The following RUNDC3B variants were observed in gnomAD, a reference collection of about 807,000 sequenced individuals.
The protein encoded by RUNDC3B is RUN domain-containing protein 3B.
In RUNDC3B, 33 loss-of-function variants were observed where a neutral mutation model predicts 58.4. That is an observed-to-expected ratio of 0.56 (90% confidence interval 0.43 to 0.75). The LOEUF is 0.75. Ranked by LOEUF, RUNDC3B falls within the 30% of genes least tolerant of loss-of-function variation. RUNDC3B has a pLI of 0.00. For missense variants in RUNDC3B, 501 were observed against 535.7 expected (o/e 0.94, Z 0.64); for synonymous variants, 193 against 195.2 (o/e 0.99, Z 0.10).
chr7:87,735,661 A>C (rs1306560327), intron 4 of RUNDC3B, among the ~76,000 whole-genome samples: 1 of 152,156 alleles, frequency 6.6e-6, no homozygotes, highest in African/African-American at 2.4e-5. Flanking sequence ...TATTATTATT[A>C]ATGTTCTGTG....
chr7:87,789,729 C>T (rs1445451080), intron 8 of RUNDC3B, among the ~76,000 whole-genome samples: 1 of 152,088 alleles, frequency 6.6e-6, no homozygotes, highest in Non-Finnish European at 1.5e-5. Context: ...ATTGCACTTC[C>T]TTGGGTATTA....
intron 3 of RUNDC3B, among the ~76,000 whole-genome samples, chr7:87,702,347 T>C (rs1462622975): frequency 6.6e-6 from 1 of 151,940 alleles, no homozygotes; most frequent in African/African-American, 2.4e-5. Context: ...GGTACTATCA[T>C]AGCCCACTGC....
At chr7:87,671,907 A>G (rs139017011) in intron 2 of RUNDC3B, among the ~76,000 whole-genome samples, 5 of 152,284 alleles carry the variant, frequency 3.3e-5, no homozygotes, top group Admixed American at 3.3e-4. Context: ...TGTTGGCTGG[A>G]AAACACAGGC....
At chr7:87,816,982 T>C (rs1314757745) in intron 10 of RUNDC3B, among the ~76,000 whole-genome samples, 1 of 152,252 alleles carries the variant, frequency 6.6e-6, no homozygotes. Flanking sequence ...TTCACTGGTA[T>C]GATCTGGTTC....
intron 6 of RUNDC3B, among the ~76,000 whole-genome samples, chr7:87,767,345 T>A (rs1834028118): frequency 6.6e-6 from 1 of 152,236 alleles, no homozygotes. Flanking sequence ...TAATTCCTTC[T>A]AATCTGAGGA....
intron 2 of RUNDC3B, among the ~76,000 whole-genome samples, chr7:87,685,059 T>C (rs1827321771): frequency 6.6e-6 from 1 of 152,046 alleles, no homozygotes; most frequent in South Asian, 2.1e-4. Flanking sequence ...ACAACAAAAG[T>C]ACAATCCATT....
chr7:87,773,841 C>T (rs1238358275), intron 7 of RUNDC3B, among the ~76,000 whole-genome samples: 2 of 151,948 alleles, frequency 1.3e-5, no homozygotes, highest in Non-Finnish European at 2.9e-5. Context: ...CCACACCTGG[C>T]CAATTTTTGT....
At chr7:87,664,926 C>CA (rs1825078370) in intron 2 of RUNDC3B, among the ~76,000 whole-genome samples, 1 of 152,012 alleles carries the variant, frequency 6.6e-6, no homozygotes, top group South Asian at 2.1e-4. Flanking sequence ...AAATTCTCAA[C>CA]AATTAAAGTA....
At position 87,768,688 on chromosome 7, in the gene RUNDC3B, A is replaced by G. The variant is rs940381450; in HGVS notation, c.630-1893A>G. Among the ~76,000 whole-genome samples, 24 of 152,072 alleles carry G rather than the reference A, an allele frequency of 1.6e-4. 1 individual carries two copies. The highest frequency in any genetic ancestry group is 4.8e-5 in the African/African-American group (2 of 41,416). On this transcript the variant is annotated intron_variant, in intron 6 of 10. Transcript: ENST00000394654. ...AGAAATGCCCCTACCTACCCTTTCT[A>G]TGGGACTCCAAGTTCCTTAATGGTC... is the stretch of plus-strand genomic sequence containing the variant.
chr7:87,752,369 T>C (rs1313221552), intron 6 of RUNDC3B, among the ~76,000 whole-genome samples: 1 of 152,180 alleles, frequency 6.6e-6, no homozygotes. Context: ...AGCTTTGGTA[T>C]CAGGATGATG....
At chr7:87,702,881 C>T (rs1829216839) in intron 3 of RUNDC3B, among the ~76,000 whole-genome samples, 1 of 151,990 alleles carries the variant, frequency 6.6e-6, no homozygotes, top group South Asian at 2.1e-4. Context: ...TACTCTTGTC[C>T]CAAGCATTTT....
At chr7:87,794,041 G>T (rs1835672885) in intron 8 of RUNDC3B, among the ~76,000 whole-genome samples, 1 of 152,094 alleles carries the variant, frequency 6.6e-6, no homozygotes, top group South Asian at 2.1e-4. Context: ...TGCCAACAAT[G>T]AATTATCTAA....
intron 1 of RUNDC3B, among the ~76,000 whole-genome samples, chr7:87,635,467 A>G (rs1821674886): frequency 6.6e-6 from 1 of 152,206 alleles, no homozygotes; most frequent in Non-Finnish European, 1.5e-5. Context: ...CTGGACACTA[A>G]TGTATAACTG....
chr7:87,678,709 T>C (rs1377107671), intron 2 of RUNDC3B, among the ~76,000 whole-genome samples: 1 of 152,052 alleles, frequency 6.6e-6, no homozygotes, highest in African/African-American at 2.4e-5. Flanking sequence ...ATTATAGTGA[T>C]AAAGATAGGT....
chr7:87,715,383 A>G (rs1157779059), intron 4 of RUNDC3B, among the ~76,000 whole-genome samples: 3 of 99,394 alleles, frequency 3.0e-5, no homozygotes, highest in Admixed American at 1.3e-4. Flanking sequence ...TTATATAATC[A>G]ATATAATATA....
intron 2 of RUNDC3B, among the ~76,000 whole-genome samples, chr7:87,668,774 G>A (rs1376009437): frequency 6.6e-6 from 1 of 151,982 alleles, no homozygotes; most frequent in Non-Finnish European, 1.5e-5. Flanking sequence ...ATTTCTGTGT[G>A]ATTGCATGGT....
At chr7:87,737,081 G>A (rs1402574660) in intron 4 of RUNDC3B, among the ~76,000 whole-genome samples, 1 of 149,950 alleles carries the variant, frequency 6.7e-6, no homozygotes, top group African/African-American at 2.4e-5. Context: ...TGTATTTTTT[G>A]TATAGGTGGG....
At chr7:87,784,999 G>T (rs1835130280) in intron 8 of RUNDC3B, among the ~76,000 whole-genome samples, 1 of 152,028 alleles carries the variant, frequency 6.6e-6, no homozygotes, top group South Asian at 2.1e-4. Flanking sequence ...TAGGTTGTGG[G>T]ATATGTCTTT....
In RUNDC3B at chr7:87,777,526, T is replaced by C. The variant is rs367546156; in HGVS notation, c.799-272T>C. On this transcript the variant is annotated intron_variant, in intron 7 of 10. Coordinates refer to ENST00000394654, the MANE Select transcript of RUNDC3B (RefSeq NM_001134405.2). ...TATTTTGAAGCTAGGAGTCATGCAATTGTTGTGAAGCTTAGAAATTACAAT... is the reference window on the plus strand; with the variant it reads ...TATTTTGAAGCTAGGAGTCATGCAACTGTTGTGAAGCTTAGAAATTACAAT... Among the ~76,000 whole-genome samples the C allele has an allele frequency of 3.9e-5, 6 of 152,234 alleles. No homozygotes were observed. In the East Asian group the frequency reaches 9.6e-4, roughly 24 times the overall value.
Sources: gnomAD v4.1 joint callset for allele counts (sites outside exome capture counted in the v4.1 genomes callset) on GRCh38, gnomAD v4.1.1 for gene constraint, MANE v1.5 for transcripts, NCBI Gene and HGNC (gene_info 2026-07-23, HGNC 2026-07-21) for gene names.